Variants in RBMS3 observed in about 807,000 individuals in gnomAD.
RBMS3 encodes the protein RNA-binding motif, single-stranded-interacting protein 3.
A neutral mutation model predicts 66.8 loss-of-function variants in RBMS3; 27 were observed. That is an observed-to-expected ratio of 0.40 (90% CI 0.30 to 0.56). The LOEUF is 0.56. RBMS3 is among the 20% of genes least tolerant of loss of function. The pLI, the probability that RBMS3 is intolerant of heterozygous loss-of-function variation, is 0.40. For synonymous variants in RBMS3, 188 were observed against 183.0 expected (o/e 1.03, Z -0.22); for missense variants, 513 against 549.5 (o/e 0.93, Z 0.66).
intron 6 of RBMS3, among the ~76,000 whole-genome samples, chr3:29,805,503 G>A (rs1371434269): frequency 2.0e-5 from 3 of 152,012 alleles, no homozygotes; most frequent in Non-Finnish European, 4.4e-5. Context: ...ACAGCTCTGT[G>A]TATGTTACTG....
chr3:29,722,680 T>G lies in RBMS3; in HGVS notation c.400-17040T>G, dbSNP rs1488856798. 2.6e-5 allele frequency among the ~76,000 whole-genome samples: 4 copies of G among 152,244 alleles called. No homozygotes were observed. In the East Asian group the frequency reaches 7.7e-4, roughly 29 times the overall value. ...TCTTCATCTTGACATTTTTGAAGAT[T>G]ATAGGCCAATTATTATGTAGAGCAT... is the stretch of plus-strand genomic sequence containing the variant. On this transcript the variant is annotated intron_variant, in intron 4 of 14. Coordinates refer to ENST00000383767, the MANE Select transcript of RBMS3 (RefSeq NM_001003793.3).
chr3:29,550,205 C>A (rs1396862933), intron 3 of RBMS3, among the ~76,000 whole-genome samples: 1 of 152,126 alleles, frequency 6.6e-6, no homozygotes, highest in Non-Finnish European at 1.5e-5. Flanking sequence ...TCTGTGAATT[C>A]AAGGAACATT....
At chr3:29,619,552 A>G (rs1451009628) in intron 4 of RBMS3, among the ~76,000 whole-genome samples, 4 of 152,180 alleles carry the variant, frequency 2.6e-5, no homozygotes, top group Admixed American at 2.6e-4. Context: ...AAAGCAGTAC[A>G]TGGAGAAGCA....
chr3:29,975,503 G>A (rs1273991328), intron 12 of RBMS3, among the ~76,000 whole-genome samples: 1 of 151,774 alleles, frequency 6.6e-6, no homozygotes, highest in East Asian at 1.9e-4. Context: ...TTTTTCTAAT[G>A]ACCAGTGAGT....
chr3:29,909,612 A>T (rs956982513), intron 10 of RBMS3, among the ~76,000 whole-genome samples: 7 of 152,090 alleles, frequency 4.6e-5, no homozygotes, highest in African/African-American at 1.7e-4. Flanking sequence ...TACATTTTTT[A>T]AATTCTCAGA....
chr3:29,783,989 G>C (rs2056731324), intron 6 of RBMS3, among the ~76,000 whole-genome samples: 1 of 151,934 alleles, frequency 6.6e-6, no homozygotes, highest in Non-Finnish European at 1.5e-5. Flanking sequence ...AGTCCAACAG[G>C]AAAATATCAC....
intron 4 of RBMS3, among the ~76,000 whole-genome samples, chr3:29,724,241 G>A (rs996757899): frequency 6.6e-6 from 1 of 151,996 alleles, no homozygotes. Flanking sequence ...AACACAATGG[G>A]ACACATTCTA....
At chr3:29,411,300 C>G (rs541493642) in intron 1 of RBMS3, among the ~76,000 whole-genome samples, 2 of 152,060 alleles carry the variant, frequency 1.3e-5, no homozygotes, top group Admixed American at 1.3e-4. Context: ...ATCAGAAAAT[C>G]GTTTTTAGAA....
chr3:29,479,730 T>G (rs772258619), intron 2 of RBMS3, among the ~76,000 whole-genome samples: 1 of 152,240 alleles, frequency 6.6e-6, no homozygotes, highest in Non-Finnish European at 1.5e-5. Context: ...CTCAGTCAGC[T>G]TGGAAATTTT....
chr3:29,853,564 C>A (rs13097387), intron 6 of RBMS3, among the ~76,000 whole-genome samples: 2 of 151,896 alleles, frequency 1.3e-5, no homozygotes, highest in African/African-American at 4.8e-5. Flanking sequence ...TGTCCCTCCC[C>A]CTGTGCTCTC....
chr3:29,647,020 C>G (rs1055260693), intron 4 of RBMS3, among the ~76,000 whole-genome samples: 1 of 152,120 alleles, frequency 6.6e-6, no homozygotes, highest in African/African-American at 2.4e-5. Flanking sequence ...CTCTGTTGCC[C>G]AGGCTGAAGT....
intron 1 of RBMS3, among the ~76,000 whole-genome samples, chr3:29,347,998 C>G (rs2036681188): frequency 6.6e-6 from 1 of 152,150 alleles, no homozygotes; most frequent in East Asian, 1.9e-4. Flanking sequence ...ATGCTGCATA[C>G]TTGAAATTTA....
At chr3:29,814,412 T>G (rs1282061889) in intron 6 of RBMS3, among the ~76,000 whole-genome samples, 2 of 152,222 alleles carry the variant, frequency 1.3e-5, no homozygotes, top group African/African-American at 4.8e-5. Context: ...TTTGCATCGA[T>G]GTTCATCAAG....
chr3:29,576,412 T>C (rs1041709545), intron 3 of RBMS3, among the ~76,000 whole-genome samples: 5 of 152,158 alleles, frequency 3.3e-5, no homozygotes, highest in Non-Finnish European at 7.4e-5. Flanking sequence ...GCCATCAATG[T>C]GACTGCTGGA....
rs182829032 is a variant in RBMS3, at chr3:29,463,426, G to A, written c.249-25015G>A. ...AATATGTTGAAATCCAGAGCTACAT[G>A]TGTGGTTTTTGAATCATTCTTCAGA... On this transcript the variant is annotated intron_variant, in intron 2 of 14. Transcript: ENST00000383767. Among the ~76,000 whole-genome samples, 241 of 152,260 alleles carry A rather than the reference G, an allele frequency of 1.6e-3. 1 individual carries two copies. Among genetic ancestry groups the A allele is most frequent in the African/African-American group, 5.7e-3 (235 of 41,544 alleles).
At chr3:29,794,565 G>A (rs1168104313) in intron 6 of RBMS3, among the ~76,000 whole-genome samples, 2 of 152,116 alleles carry the variant, frequency 1.3e-5, no homozygotes, top group South Asian at 2.1e-4. Flanking sequence ...CAGCATGGGC[G>A]ACAGAGCAAG....
At chr3:29,670,916 C>T (rs115370434) in intron 4 of RBMS3, among the ~76,000 whole-genome samples, 7,471 of 152,262 alleles carry the variant, frequency 0.049, 256 homozygotes, top group African/African-American at 0.095. Flanking sequence ...TCTCTGAGCA[C>T]GGAGTTTGAG....
At chr3:29,563,013 G>T (rs2046611711) in intron 3 of RBMS3, among the ~76,000 whole-genome samples, 1 of 152,298 alleles carries the variant, frequency 6.6e-6, no homozygotes, top group Admixed American at 6.5e-5. Flanking sequence ...AAGAGGCAAA[G>T]TTATGGGGTT....
chr3:29,853,423 C>CTTTTCT (rs2058987482), intron 6 of RBMS3, among the ~76,000 whole-genome samples: 1 of 84,540 alleles, frequency 1.2e-5, no homozygotes, highest in East Asian at 3.7e-4. Context: ...AATTTACTTT[C>CTTTTCT]TTTTTTTTTT....
Sources: gnomAD v4.1 joint callset for allele counts (sites outside exome capture counted in the v4.1 genomes callset) on GRCh38, gnomAD v4.1.1 for gene constraint, MANE v1.5 for transcripts, NCBI Gene and HGNC (gene_info 2026-07-23, HGNC 2026-07-21) for gene names.